The following DGKG variants were observed in gnomAD, a reference collection of about 807,000 sequenced individuals.
DGKG encodes the protein DAG kinase gamma.
DGKG carries 78 observed loss-of-function variants against 105.3 expected under a neutral mutation model. That is an observed-to-expected ratio of 0.74 (90% CI 0.62 to 0.89). The LOEUF is 0.89. Among genes scored for constraint, DGKG ranks in the 40% least tolerant of loss-of-function variants. The pLI is 0.00. For synonymous variants in DGKG, 346 were observed against 367.1 expected (o/e 0.94, Z 0.66); for missense variants, 958 against 1,020.1 (o/e 0.94, Z 0.83).
chr3:186,307,881 C>CAT (rs1553817651), intron 2 of DGKG, among the ~76,000 whole-genome samples: 4 of 144,536 alleles, frequency 2.8e-5, no homozygotes, highest in Non-Finnish European at 3.0e-5. Context: ...AACTCTGTCC[C>CAT]TTTTTTTTTT....
intron 14 of DGKG, among the ~76,000 whole-genome samples, chr3:186,264,175 T>C (rs968301121): frequency 6.6e-6 from 1 of 152,236 alleles, no homozygotes; most frequent in Non-Finnish European, 1.5e-5. Context: ...CGCCTGTGTG[T>C]GTTTCCCACC....
intron 2 of DGKG, among the ~76,000 whole-genome samples, chr3:186,320,179 A>C (rs747171949): frequency 1.3e-5 from 2 of 152,168 alleles, no homozygotes; most frequent in African/African-American, 2.4e-5. Context: ...GTATATTGCA[A>C]ATTTCTATGG....
At chr3:186,248,472 C>G (rs761169045) in intron 19 of DGKG, among the ~76,000 whole-genome samples, 54 of 152,226 alleles carry the variant, frequency 3.5e-4, no homozygotes, top group Non-Finnish European at 1.8e-4. Flanking sequence ...CCATTCTTCT[C>G]TGCTCTAGTA....
In DGKG at chr3:186,260,126, G is replaced by A. The variant is rs576207630; in HGVS notation, c.1424+313C>T. The stretch of plus-strand genomic sequence containing the variant: ...CCAGCTAACAGAGCCTTGCAAATAA[G>A]TTAAAATAATTTACCAGCCTGTTCC... On this transcript the variant is annotated intron_variant, in intron 16 of 24. Transcript: ENST00000265022. Among the ~76,000 whole-genome samples the A allele has an allele frequency of 2.0e-5, 3 of 152,242 alleles. No individual in the cohort carries two copies. In the East Asian group the frequency reaches 5.8e-4, roughly 29 times the overall value.
chr3:186,221,956 C>T (rs1198017774), intron 20 of DGKG, among the ~76,000 whole-genome samples: 5 of 152,188 alleles, frequency 3.3e-5, no homozygotes, highest in African/African-American at 7.2e-5. Context: ...AAATGTTGAC[C>T]GTGGGTCTGA....
chr3:186,355,499 C>T (rs887485056), intron 1 of DGKG, among the ~76,000 whole-genome samples: 1 of 149,388 alleles, frequency 6.7e-6, no homozygotes, highest in South Asian at 2.1e-4. Context: ...ACCACTATCA[C>T]CACCACCACC....
chr3:186,312,850 C>T (rs1265211183), intron 2 of DGKG, among the ~76,000 whole-genome samples: 1 of 152,226 alleles, frequency 6.6e-6, no homozygotes, highest in Non-Finnish European at 1.5e-5. Context: ...GGCCTCAGAG[C>T]AGCACGTGGG....
intron 20 of DGKG, among the ~76,000 whole-genome samples, chr3:186,236,104 A>T (rs1257993048): frequency 6.6e-6 from 1 of 152,064 alleles, no homozygotes; most frequent in Non-Finnish European, 1.5e-5. Context: ...AGTGAAGGGG[A>T]TTTCCTCTAG....
intron 1 of DGKG, among the ~76,000 whole-genome samples, chr3:186,329,045 C>T (rs112009951): frequency 4.9e-4 from 74 of 152,300 alleles, no homozygotes; most frequent in African/African-American, 1.7e-3. Context: ...CGGCACTTCC[C>T]TCAGCAGCCT....
chr3:186,340,460 G>A (rs1054956144), intron 1 of DGKG, among the ~76,000 whole-genome samples: 1 of 151,996 alleles, frequency 6.6e-6, no homozygotes, highest in Non-Finnish European at 1.5e-5. Context: ...CTTTGAACTA[G>A]GCAAAAATAG....
chr3:186,282,948 C>T (rs1013440168), intron 7 of DGKG, among the ~76,000 whole-genome samples: 3 of 151,734 alleles, frequency 2.0e-5, no homozygotes, highest in South Asian at 2.1e-4. Context: ...CTCCCTCTGT[C>T]GCCCAGGCTG....
chr3:186,178,525 C>T (rs1289674571), intron 22 of DGKG, among the ~76,000 whole-genome samples: 11 of 152,198 alleles, frequency 7.2e-5, no homozygotes, highest in Non-Finnish European at 1.5e-4. Flanking sequence ...GAGCAGCAAA[C>T]CTCCTGAGGC....
At chr3:186,299,843 T>TCTTTCTTTCTCTTTCTTTCTTTC (rs1424972244) in intron 3 of DGKG, among the ~76,000 whole-genome samples, 2 of 130,172 alleles carry the variant, frequency 1.5e-5, no homozygotes, top group African/African-American at 2.8e-5. Flanking sequence ...CTTTCTTTTT[T>TCTTTCTTTCTCTTTCTTTCTTTC]TTTTTTTTTG....
intron 1 of DGKG, among the ~76,000 whole-genome samples, chr3:186,359,534 C>G (rs1727129897): frequency 6.6e-6 from 1 of 152,170 alleles, no homozygotes; most frequent in Admixed American, 6.5e-5. Context: ...CTGCCACATA[C>G]TAGCTATGTA....
chr3:186,245,966 A>C, intron 19 of DGKG, among the ~76,000 whole-genome samples: 2 of 152,284 alleles, frequency 1.3e-5, no homozygotes, highest in Middle Eastern at 3.4e-3. Flanking sequence ...ATTTAAAACA[A>C]TTTTTAAATT....
chr3:186,157,793 T>C (rs1367110803), intron 24 of DGKG, among the ~76,000 whole-genome samples: 2 of 152,172 alleles, frequency 1.3e-5, no homozygotes, highest in East Asian at 3.9e-4. Context: ...AACCTCTGCC[T>C]CTGAGTTCAA....
Position 186,149,430 on chromosome 3 carries a change from C to G in DGKG, c.*660G>C. 3 of 985,416 alleles carry G rather than the reference C, an allele frequency of 3.0e-6. No homozygotes were observed. The highest frequency in any genetic ancestry group is 9.4e-5 in the South Asian group (2 of 21,282). 61.0% of individuals were successfully genotyped at this position (985,416 alleles called of 1,614,324 possible). The stretch of plus-strand genomic sequence containing the variant: ...AACATGTAGACACCAGGAGAAGGTT[C>G]CTGGAAAATAACAAGTGCCCACCGA... On this transcript the variant is annotated 3_prime_UTR_variant, in exon 25 of 25. Transcript: ENST00000265022.
intron 20 of DGKG, among the ~76,000 whole-genome samples, chr3:186,215,831 C>T (rs1257687444): frequency 5.3e-5 from 8 of 152,028 alleles, no homozygotes; most frequent in African/African-American, 1.7e-4. Flanking sequence ...CAGTGGCAGT[C>T]GTCTTTGTAA....
intron 3 of DGKG, 35 bp from the exon 4 acceptor site, chr3:186,298,264 G>A: frequency 6.5e-7 from 1 of 1,542,360 alleles, no homozygotes; most frequent in Non-Finnish European, 8.7e-7. Context: ...TCAGTGGAGA[G>A]AAGCAAAGGG....
Sources: gnomAD v4.1 joint callset for allele counts (sites outside exome capture counted in the v4.1 genomes callset) on GRCh38, gnomAD v4.1.1 for gene constraint, MANE v1.5 for transcripts, NCBI Gene and HGNC (gene_info 2026-07-23, HGNC 2026-07-21) for gene names.